The following SAMD9L variants were observed in gnomAD, a reference collection of about 807,000 sequenced individuals.
The protein encoded by SAMD9L is sterile alpha motif domain containing 9 like.
SAMD9L carries 68 observed loss-of-function variants against 90.7 expected under a neutral mutation model. The ratio of observed to expected loss-of-function variants is 0.75; its 90% confidence interval spans 0.62 to 0.92. The LOEUF (loss-of-function observed/expected upper bound fraction) is 0.92. Ranked by LOEUF, SAMD9L falls within the 40% of genes least tolerant of loss-of-function variation. The pLI, the probability that SAMD9L is intolerant of heterozygous loss-of-function variation, is 0.00. For synonymous variants in SAMD9L, 640 were observed against 630.1 expected (o/e 1.02, Z -0.23); for missense variants, 1,604 against 1,824.3 (o/e 0.88, Z 2.20).
chr7:93,134,027 T>C lies in SAMD9L; in HGVS notation c.1945A>G (p.Lys649Glu). 6.2e-7 allele frequency: 1 copy of C among 1,613,846 alleles called. No homozygotes were observed. Among genetic ancestry groups the C allele is most frequent in the Middle Eastern group, 1.7e-4 (1 of 6,056 alleles). Residue 649 changes from lysine to glutamate, a missense_variant, in exon 5 of 5, where the codon AAA becomes GAA. Lys to Glu is a moderately conservative substitution (Grantham distance 56, BLOSUM62 1). Coordinates refer to ENST00000318238, the MANE Select transcript of SAMD9L (RefSeq NM_152703.5). ...TCCAGTGCAGTCAAGACATCCTCTT[T>C]CTTTTTCTCTAGGATAACTGAAGAA... ...GSSSVILEKK[K>E]EDVLTALEIL...
chr7:93,134,670 A>C lies in SAMD9L; in HGVS notation c.1302T>G (p.Phe434Leu), dbSNP rs1429747276. 6.2e-7 allele frequency: 1 copy of C among 1,613,920 alleles called. No homozygotes were observed. Among genetic ancestry groups the C allele is most frequent in the Admixed American group, 1.7e-5 (1 of 59,994 alleles). Residue 434 changes from phenylalanine (F) to leucine (L), a missense_variant, in exon 5 of 5, where the codon TTT becomes TTG. This residue lies in a region of SAMD9L where 606 missense variants were observed against 717.6 expected (regional missense o/e 0.84). Transcript: ENST00000318238. ...CHPNQIKHLD[F>L]LKEIKWFAVL... ...CAGCAAACCATTTAATTTCTTTTAA[A>C]AAATCTAAGTGCTTTATTTGGTTTG...
At chr7:93,146,636 C>T (rs1326594201) in intron 2 of SAMD9L, among the ~76,000 whole-genome samples, 3 of 152,104 alleles carry the variant, frequency 2.0e-5, no homozygotes, top group Admixed American at 2.0e-4. Context: ...CTTGAGCTAC[C>T]AGTGTCTGTG....
intron 4 of SAMD9L, among the ~76,000 whole-genome samples, chr7:93,138,189 T>C (rs2157743): frequency 0.27 from 40,568 of 152,040 alleles, 8,354 homozygotes; most frequent in African/African-American, 0.55. Context: ...TCATCTGTAG[T>C]GTAGACAGAA....
rs573825281 is a variant in SAMD9L at position 93,134,063 on chromosome 7, C to T, written c.1909G>A (p.Ala637Thr). ...VTRSSRRFLPARGSSSVILEK... is the reference protein window; with the variant it reads ...VTRSSRRFLPTRGSSSVILEK... ...AGGATAACTGAAGAAGATCCACGGG[C>T]GGGCAAAAACCTTCTTGATGACCGA... The change falls in exon 5 of 5, where the codon GCC (alanine) becomes ACC (threonine). Residue 637 changes from alanine to threonine, a missense_variant. Ala to Thr is a moderately conservative substitution (Grantham distance 58, BLOSUM62 0). This residue lies in a region of SAMD9L where 606 missense variants were observed against 717.6 expected (regional missense o/e 0.84). Coordinates refer to ENST00000318238, the MANE Select transcript of SAMD9L (RefSeq NM_152703.5). 172 of 1,613,770 alleles carry T rather than the reference C, an allele frequency of 1.1e-4. No individual in the cohort carries two copies. The highest frequency in any genetic ancestry group is 6.7e-4 in the East Asian group (30 of 44,860).
At chr7:93,139,448 T>G (rs1792594092) in intron 4 of SAMD9L, among the ~76,000 whole-genome samples, 1 of 152,166 alleles carries the variant, frequency 6.6e-6, no homozygotes, top group Non-Finnish European at 1.5e-5. Flanking sequence ...CTGAGGTTTT[T>G]GTGAAAAGGG....
chr7:93,138,358 G>C (rs1792540202), intron 4 of SAMD9L, among the ~76,000 whole-genome samples: 1 of 152,066 alleles, frequency 6.6e-6, no homozygotes, highest in African/African-American at 2.4e-5. Flanking sequence ...GAAAAACAGT[G>C]ATAATCAAAA....
At position 93,131,979 on chromosome 7, in the gene SAMD9L, C is replaced by T. The variant is rs1430959798; in HGVS notation, c.3993G>A (p.Lys1331=). Residue 1331 remains lysine (K), a synonymous_variant, in exon 5 of 5, where the codon AAG becomes AAA. Transcript: ENST00000318238. ...QLLQEENCRK[K]LEALRADRFA... ...ACCTATCTGCTCTCAGAGCTTCTAGCTTTTTCCTGCAATTCTCCTCCTGGA... is the reference window on the plus strand; with the variant it reads ...ACCTATCTGCTCTCAGAGCTTCTAGTTTTTTCCTGCAATTCTCCTCCTGGA... 3 of 1,611,764 alleles carry T rather than the reference C, an allele frequency of 1.9e-6. No individual in the cohort carries two copies. Among genetic ancestry groups the T allele is most frequent in the Non-Finnish European group, 2.5e-6 (3 of 1,179,376 alleles).
In SAMD9L at chr7:93,135,375, GAACTC is replaced by G; in HGVS notation, c.592_596del (p.Glu198GlnfsTer15). On this transcript the variant is annotated frameshift_variant, in exon 5 of 5. Coordinates refer to ENST00000318238, the MANE Select transcript of SAMD9L (RefSeq NM_152703.5). LOFTEE classifies it low-confidence loss of function (END_TRUNC). ...CTGTTTCTGTGTTTGTGAGAGCTTT[GAACTC>G]ATGTATTGGATCAATGAGATTGAGT... 10 of 1,614,100 alleles carry G rather than the reference GAACTC, an allele frequency of 6.2e-6. No individual in the cohort carries two copies. The highest frequency in any genetic ancestry group is 3.3e-5 in the South Asian group (3 of 91,074).
chr7:93,137,905 T>G (rs1167703240), intron 4 of SAMD9L, among the ~76,000 whole-genome samples: 12 of 152,098 alleles, frequency 7.9e-5, no homozygotes, highest in Non-Finnish European at 1.5e-5. Flanking sequence ...TGCAGCCCTG[T>G]GATTGGCCAC....
In SAMD9L at chr7:93,133,308, G is replaced by A; in HGVS notation, c.2664C>T (p.Ser888=). Residue 888 remains serine, a synonymous_variant, in exon 5 of 5, where the codon TCC becomes TCT. Coordinates refer to ENST00000318238, the MANE Select transcript of SAMD9L (RefSeq NM_152703.5). The part of the protein sequence containing the change: ...KQHKNCENFY[S]FMIMKSNFDE... ...CAAAATTGCTTTTCATGATCATGAA[G>A]GAATAAAAGTTTTCACAGTTCTTGT... The A allele has an allele frequency of 6.2e-7, 1 of 1,612,090 alleles. No individual in the cohort carries two copies. The highest frequency in any genetic ancestry group is 1.1e-5 in the South Asian group (1 of 90,878).
intron 3 of SAMD9L, among the ~76,000 whole-genome samples, 187 bp downstream of exon 3, chr7:93,145,198 T>C (rs548036293): frequency 7.2e-5 from 11 of 152,356 alleles, no homozygotes; most frequent in Non-Finnish European, 1.2e-4. Context: ...ACAAGTTACA[T>C]CTATTGATTC....
In SAMD9L at chr7:93,133,707, G is replaced by C. The variant is rs777764588; in HGVS notation, c.2265C>G (p.Leu755=). The C allele has an allele frequency of 3.7e-6, 6 of 1,613,560 alleles. No individual in the cohort carries two copies. The Admixed American group carries it at 1.0e-4, about 27-fold the overall frequency. ...CGGTTLAMHV[L]WDLKKNFRCA... is the part of the protein sequence containing the mutation. The stretch of plus-strand genomic sequence containing the variant: ...ATCTGAAGTTTTTCTTTAAGTCCCA[G>C]AGAACATGCATAGCCAGTGTGGTAC... Residue 755 remains leucine, a synonymous_variant, in exon 5 of 5, where the codon CTC becomes CTG. Transcript: ENST00000318238.
At chr7:93,136,259 C>T (rs1202111665) in intron 4 of SAMD9L, among the ~76,000 whole-genome samples, 1 of 152,016 alleles carries the variant, frequency 6.6e-6, no homozygotes, top group Admixed American at 6.6e-5. Context: ...AATAATTCTC[C>T]CTTTTAGCTT....
chr7:93,142,567 T>C (rs1792734493), intron 4 of SAMD9L, among the ~76,000 whole-genome samples: 1 of 152,212 alleles, frequency 6.6e-6, no homozygotes, highest in South Asian at 2.1e-4. Context: ...AGAGACTTGA[T>C]GTCCTATTGT....
At position 93,132,003 on chromosome 7, in the gene SAMD9L, GA is replaced by G; in HGVS notation, c.3968del (p.Leu1323ProfsTer10). The G allele has an allele frequency of 6.2e-7, 1 of 1,612,820 alleles. No homozygotes were observed. Among genetic ancestry groups the G allele is most frequent in the Non-Finnish European group, 8.5e-7 (1 of 1,179,650 alleles). ...GCTTTTTCCTGCAATTCTCCTCCTG[GA>G]GTAATTGACTCTCTTTACTTTGTAA... ...CLLQSKESQL[L>X]QEENCRKKLE... On this transcript the variant is annotated frameshift_variant, in exon 5 of 5. Transcript: ENST00000318238. LOFTEE classifies it high-confidence loss of function.
chr7:93,144,328 A>G (rs1359613197), intron 4 of SAMD9L, among the ~76,000 whole-genome samples: 1 of 152,140 alleles, frequency 6.6e-6, no homozygotes, highest in Admixed American at 6.5e-5. Flanking sequence ...CAGATTGAAA[A>G]TATTTGAAAA....
At chr7:93,140,736 G>A (rs1290672464) in intron 4 of SAMD9L, among the ~76,000 whole-genome samples, 1 of 152,140 alleles carries the variant, frequency 6.6e-6, no homozygotes, top group Admixed American at 6.5e-5. Context: ...TTCTCTGCAT[G>A]TTCTGCCCAC....
chr7:93,133,751 G>A lies in SAMD9L; in HGVS notation c.2221C>T (p.His741Tyr), dbSNP rs1792263702. 1 of 1,613,778 alleles carries A rather than the reference G, an allele frequency of 6.2e-7. No individual in the cohort carries two copies. Among genetic ancestry groups the A allele is most frequent in the Non-Finnish European group, 8.5e-7 (1 of 1,179,876 alleles). The change falls in exon 5 of 5, where the codon CAT becomes TAT. Residue 741 changes from histidine (H) to tyrosine (Y), a missense_variant. His to Tyr is a moderately conservative substitution (Grantham distance 83). Around this residue, in one of 7 missense-constraint regions of SAMD9L, gnomAD observed 606 missense variants for 717.6 expected, o/e 0.84. Coordinates refer to ENST00000318238, the MANE Select transcript of SAMD9L (RefSeq NM_152703.5). ...GTGGTACCTCCACAGCCTGGATGAT[G>A]ATAAAGATTGATGATTTTTGCAAAT... ...PIFAKIINLY[H>Y]HPGCGGTTLA...
intron 1 of SAMD9L, 26 bp downstream of exon 1, chr7:93,148,168 A>G (rs528671919): frequency 6.6e-6 from 1 of 152,348 alleles, no homozygotes; most frequent in Non-Finnish European, 1.5e-5. Context: ...ATAACAAATA[A>G]AGGTTTAATG....
Sources: gnomAD v4.1 joint callset for allele counts (sites outside exome capture counted in the v4.1 genomes callset) on GRCh38, gnomAD v4.1.1 for gene constraint, gnomAD v4.1.1 regional missense constraint, MANE v1.5 for transcripts, NCBI Gene and HGNC (gene_info 2026-07-23, HGNC 2026-07-21) for gene names.